The following OR52K1 variants were observed in gnomAD, a reference collection of about 807,000 sequenced individuals.
OR52K1 encodes olfactory receptor family 52 subfamily K member 1.
OR52K1 carries 10 observed loss-of-function variants against 8.7 expected under a neutral mutation model. That is an observed-to-expected ratio of 1.15 (90% CI 0.71 to 1.95). The LOEUF (loss-of-function observed/expected upper bound fraction) is 1.95. OR52K1 is among the 30% of genes most tolerant of loss of function. OR52K1 has a pLI of 0.00. For missense variants in OR52K1, 431 were observed against 397.2 expected, an observed-to-expected ratio of 1.08 and a Z score of -0.72; for synonymous variants, 203 against 148.5, an observed-to-expected ratio of 1.37 and a Z score of -2.67.
chr11:4,484,746 C>A (rs539472235), intron 1 of OR52K1, among the ~76,000 whole-genome samples: 1 of 151,800 alleles, frequency 6.6e-6, no homozygotes, highest in African/African-American at 2.4e-5. Context: ...GCAGTATTCT[C>A]TTTCTTCGTC....
In OR52K1 at chr11:4,492,892, G is replaced by A. The variant is rs1301206381; in HGVS notation, c.*3047G>A. 4 of 193,582 alleles carry A rather than the reference G, an allele frequency of 2.1e-5. No individual in the cohort carries two copies. Among genetic ancestry groups the A allele is most frequent in the Non-Finnish European group, 3.0e-5 (3 of 98,836 alleles). 12.0% of individuals were successfully genotyped at this position (193,582 alleles called of 1,614,324 possible). A position where few individuals can be genotyped will look rare whatever the true frequency, so the allele number is the denominator to read the frequency against. ...AGATGCAGAGACCGGTAGTGGCCCCGAATGCCTGGCTGCACTGTTATTTAT... is the reference window on the plus strand; with the variant it reads ...AGATGCAGAGACCGGTAGTGGCCCCAAATGCCTGGCTGCACTGTTATTTAT... On this transcript the variant is annotated 3_prime_UTR_variant, in exon 2 of 2. Coordinates refer to ENST00000641528, the MANE Select transcript of OR52K1 (RefSeq NM_001005171.3).
In OR52K1 at chr11:4,488,985, A is replaced by T; in HGVS notation, c.85A>T (p.Ile29Phe). The change falls in exon 2 of 2, where the codon ATC becomes TTC. Residue 29 changes from isoleucine (I) to phenylalanine (F), a missense_variant. Physicochemically the swap from Ile to Phe is conservative, Grantham distance 21. Coordinates refer to ENST00000641528, the MANE Select transcript of OR52K1 (RefSeq NM_001005171.3). ...TGGTTTGGAACACCTGCATGCCTGG[A>T]TCTCCATCCCCTTCTGCTTTGCTTA... The part of the protein sequence containing the change: ...IPGLEHLHAW[I>F]SIPFCFAYTL... The T allele has an allele frequency of 6.2e-7, 1 of 1,614,088 alleles. No homozygotes were observed. Among genetic ancestry groups the T allele is most frequent in the Non-Finnish European group, 8.5e-7 (1 of 1,179,998 alleles).
Position 4,490,333 on chromosome 11 carries a change from C to T in OR52K1, c.*488C>T, listed in dbSNP as rs1007746772. ...GCCACTCTTTATAGCCTACTATCTCCCAATTTTATTTCTACAGTTAGACAG... is the reference window on the plus strand; with the variant it reads ...GCCACTCTTTATAGCCTACTATCTCTCAATTTTATTTCTACAGTTAGACAG... On this transcript the variant is annotated 3_prime_UTR_variant, in exon 2 of 2. Transcript: ENST00000641528. 1.9e-5 allele frequency: 3 copies of T among 156,214 alleles called. No homozygotes were observed. Among genetic ancestry groups the T allele is most frequent in the Admixed American group, 1.8e-4 (3 of 16,344 alleles). 9.7% of individuals were successfully genotyped at this position (156,214 alleles called of 1,614,324 possible).
chr11:4,488,421 A>G (rs1846337671), intron 1 of OR52K1, among the ~76,000 whole-genome samples, 152 bp from the exon 2 acceptor site: 1 of 152,224 alleles, frequency 6.6e-6, no homozygotes, highest in Non-Finnish European at 1.5e-5. Context: ...TTAGAAACCA[A>G]TGGGTTTGAC....
rs185726722 is a variant in OR52K1, at chr11:4,489,308, G to C, written c.408G>C (p.Thr136=). The C allele has an allele frequency of 6.2e-7, 1 of 1,614,150 alleles. No homozygotes were observed. The highest frequency in any genetic ancestry group is 8.5e-7 in the Non-Finnish European group (1 of 1,180,036). ...VAICKPLHYT[T]VLTGSLITKI... ...TCTGCAAGCCATTGCACTACACGACGGTCCTGACTGGGTCCCTCATCACCA... is the reference window on the plus strand; with the variant it reads ...TCTGCAAGCCATTGCACTACACGACCGTCCTGACTGGGTCCCTCATCACCA... Residue 136 remains threonine, a synonymous_variant, in exon 2 of 2, where the codon ACG becomes ACC. Coordinates refer to ENST00000641528, the MANE Select transcript of OR52K1 (RefSeq NM_001005171.3).
Position 4,490,039 on chromosome 11 carries a change from T to G in OR52K1, c.*194T>G. On this transcript the variant is annotated 3_prime_UTR_variant, in exon 2 of 2. Coordinates refer to ENST00000641528, the MANE Select transcript of OR52K1 (RefSeq NM_001005171.3). ...GGAGTGCACCTATAGTCTGGTCTGA[T>G]AGTAGAGGTTTGACCTTCCCATTGT... 1.7e-6 allele frequency: 1 copy of G among 583,240 alleles called. No individual in the cohort carries two copies. The highest frequency in any genetic ancestry group is 3.0e-6 in the Non-Finnish European group (1 of 328,662). The allele number at this position is 583,240 out of a possible 1,614,324, so 36.1% of individuals were successfully genotyped here.
chr11:4,485,408 C>T (rs1267157043), intron 1 of OR52K1, among the ~76,000 whole-genome samples: 2 of 152,124 alleles, frequency 1.3e-5, no homozygotes, highest in Non-Finnish European at 2.9e-5. Flanking sequence ...TCTGATATCT[C>T]AAACTCACCA....
chr11:4,487,106 C>A (rs1285439364), intron 1 of OR52K1, among the ~76,000 whole-genome samples: 1 of 152,076 alleles, frequency 6.6e-6, no homozygotes, highest in Non-Finnish European at 1.5e-5. Flanking sequence ...GGAATAAAAT[C>A]CAGATTGATA....
rs1401894799 is a variant in OR52K1 at position 4,489,729 on chromosome 11, C to G, written c.829C>G (p.Leu277Val). 1 of 1,614,216 alleles carries G rather than the reference C, an allele frequency of 6.2e-7. No homozygotes were observed. ...ARHAAPRVHI[L>V]LAIFYLLFPP... ...CCATGCTGCCCCTCGTGTCCACATA[C>G]TCCTTGCTATTTTCTATCTCCTTTT... Residue 277 changes from leucine (L) to valine (V), a missense_variant, in exon 2 of 2, where the codon CTC becomes GTC. By Grantham distance (32) the Leu-to-Val change is conservative. Transcript: ENST00000641528.
At position 4,492,728 on chromosome 11, in the gene OR52K1, G is replaced by A. The variant is rs1846388923; in HGVS notation, c.*2883G>A. ...GAAGCTCCCATACATACTTTTACAT[G>A]ATCTACTTATACTGTAGGGACCAGC... On this transcript the variant is annotated 3_prime_UTR_variant, in exon 2 of 2. Transcript: ENST00000641528. 2 of 152,184 alleles carry A rather than the reference G, an allele frequency of 1.3e-5. No homozygotes were observed. The highest frequency in any genetic ancestry group is 2.1e-4 in the South Asian group (1 of 4,828). The allele number at this position is 152,184 out of a possible 1,614,324, so 9.4% of individuals were successfully genotyped here. A position where few individuals can be genotyped will look rare whatever the true frequency, so the allele number is the denominator to read the frequency against.
rs1458013271 is a variant in OR52K1, at chr11:4,490,460, A to G, written c.*615A>G. 1 of 152,482 alleles carries G rather than the reference A, an allele frequency of 6.6e-6. No individual in the cohort carries two copies. The highest frequency in any genetic ancestry group is 2.4e-5 in the African/African-American group (1 of 41,450). 9.4% of individuals were successfully genotyped at this position (152,482 alleles called of 1,614,324 possible). On this transcript the variant is annotated 3_prime_UTR_variant, in exon 2 of 2. Transcript: ENST00000641528. ...TCCTTTAGTGAACATTTATCAAAAG[A>G]GTCCTCCGATGTTCCTTTTTATCAA...
Position 4,488,820 on chromosome 11 carries a change from C to A in OR52K1, c.-81C>A. On this transcript the variant is annotated 5_prime_UTR_variant, in exon 2 of 2. Transcript: ENST00000641528. ...TGCAGGTGGGATAGCACAGGTTGAA[C>A]TCTAATCATATATACTGTAGAAGGT... 1.0e-6 allele frequency: 1 copy of A among 995,014 alleles called. No homozygotes were observed. Among genetic ancestry groups the A allele is most frequent in the Non-Finnish European group, 1.5e-6 (1 of 654,300 alleles). The allele number at this position is 995,014 out of a possible 1,614,324, so 61.6% of individuals were successfully genotyped here.
rs760367652 is a variant in OR52K1, at chr11:4,489,676, T to C, written c.776T>C (p.Ile259Thr). ...CTGTCCACCTACACTCCAGTAGTCA[T>C]CTCTTCAGTCATGCACCGTGTAGCC... ...AILSTYTPVV[I>T]SSVMHRVARH... The change falls in exon 2 of 2, where the codon ATC (isoleucine) becomes ACC (threonine). Residue 259 changes from isoleucine to threonine, a missense_variant. By Grantham distance (89) the Ile-to-Thr change is moderately conservative. Transcript: ENST00000641528. 8.1e-6 allele frequency: 13 copies of C among 1,614,088 alleles called. No homozygotes were observed. Among genetic ancestry groups the C allele is most frequent in the Non-Finnish European group, 1.1e-5 (13 of 1,180,038 alleles).
In OR52K1 at chr11:4,488,688, T is replaced by C. The variant is rs1356070546; in HGVS notation, c.-213T>C. ...TTGATATCCCATCTACTCAATGAGA[T>C]TCAAATTTCTTTGAGGGTAGAAAAT... On this transcript the variant is annotated 5_prime_UTR_variant, in exon 2 of 2. Transcript: ENST00000641528. 3.6e-6 allele frequency: 2 copies of C among 552,912 alleles called. No homozygotes were observed. The highest frequency in any genetic ancestry group is 3.2e-6 in the Non-Finnish European group (1 of 313,504). 34.3% of individuals were successfully genotyped at this position (552,912 alleles called of 1,614,324 possible). A position where few individuals can be genotyped will look rare whatever the true frequency, so the allele number is the denominator to read the frequency against.
At position 4,489,120 on chromosome 11, in the gene OR52K1, G is replaced by C; in HGVS notation, c.220G>C (p.Val74Leu). 4 of 1,614,216 alleles carry C rather than the reference G, an allele frequency of 2.5e-6. No individual in the cohort carries two copies. The highest frequency in any genetic ancestry group is 3.4e-6 in the Non-Finnish European group (4 of 1,180,044). The change falls in exon 2 of 2, where the codon GTT becomes CTT. Residue 74 changes from valine (V) to leucine (L), a missense_variant. Val to Leu is a conservative substitution (Grantham distance 32, BLOSUM62 1). Transcript: ENST00000641528. ...GGCCATGTTGGCAACCATTGACTTGGTTCTTTCTTCTACAACGCTGCCCAA... is the reference window on the plus strand; with the variant it reads ...GGCCATGTTGGCAACCATTGACTTGCTTCTTTCTTCTACAACGCTGCCCAA... ...FLAMLATIDL[V>L]LSSTTLPKML...
At position 4,489,887 on chromosome 11, in the gene OR52K1, G is replaced by A; in HGVS notation, c.*42G>A. 7.1e-7 allele frequency: 1 copy of A among 1,407,782 alleles called. No individual in the cohort carries two copies. Among genetic ancestry groups the A allele is most frequent in the Admixed American group, 2.0e-5 (1 of 51,144 alleles). The allele number at this position is 1,407,782 out of a possible 1,614,324, so 87.2% of individuals were successfully genotyped here. On this transcript the variant is annotated 3_prime_UTR_variant, in exon 2 of 2. Coordinates refer to ENST00000641528, the MANE Select transcript of OR52K1 (RefSeq NM_001005171.3). ...TTTTATCCCACTTGCCAAGTAATGAGAATGCTGGATTGGGGTTGAGGGGAA... is the reference window on the plus strand; with the variant it reads ...TTTTATCCCACTTGCCAAGTAATGAAAATGCTGGATTGGGGTTGAGGGGAA...
chr11:4,488,198 A>C (rs914426119), intron 1 of OR52K1, among the ~76,000 whole-genome samples: 24 of 152,246 alleles, frequency 1.6e-4, no homozygotes, highest in African/African-American at 2.4e-5. Context: ...TATACTGTAG[A>C]GCAGTGGTCT....
intron 1 of OR52K1, among the ~76,000 whole-genome samples, chr11:4,485,622 C>G (rs1055759384): frequency 2.6e-5 from 4 of 152,196 alleles, no homozygotes; most frequent in African/African-American, 9.7e-5. Flanking sequence ...ACTACATACA[C>G]TGCTACCTTG....
At chr11:4,485,438 C>T (rs1212855665) in intron 1 of OR52K1, among the ~76,000 whole-genome samples, 5 of 152,132 alleles carry the variant, frequency 3.3e-5, no homozygotes, top group South Asian at 2.1e-4. Context: ...ATTGAAGTCT[C>T]GAGCTCCTCC....
Sources: gnomAD v4.1 joint callset for allele counts (sites outside exome capture counted in the v4.1 genomes callset) on GRCh38, gnomAD v4.1.1 for gene constraint, MANE v1.5 for transcripts, NCBI Gene and HGNC (gene_info 2026-07-23, HGNC 2026-07-21) for gene names.